FBXL17: variants seen among roughly 807,000 people sequenced by gnomAD.
FBXL17 encodes F-box and leucine rich repeat protein 17, also known as F-box/LRR-repeat protein 17.
In FBXL17, 22 loss-of-function variants were observed where a neutral mutation model predicts 66.2. The observed-to-expected ratio is 0.33, with a 90% CI of 0.24 to 0.47. The LOEUF is 0.47. Ranked by LOEUF, FBXL17 falls within the 20% of genes least tolerant of loss-of-function variation. FBXL17 has a pLI of 1.00. For synonymous variants in FBXL17, 474 were observed against 400.5 expected, an observed-to-expected ratio of 1.18 and a Z score of -2.19; for missense variants, 878 against 948.2, an observed-to-expected ratio of 0.93 and a Z score of 0.97.
chr5:108,027,094 T>C (rs1390100914), intron 6 of FBXL17, among the ~76,000 whole-genome samples: 2 of 152,178 alleles, frequency 1.3e-5, no homozygotes, highest in Non-Finnish European at 2.9e-5. Flanking sequence ...ATATTTTTCA[T>C]ATATTTAGGA....
chr5:108,005,773 C>T (rs895517549), intron 7 of FBXL17, among the ~76,000 whole-genome samples: 2 of 152,190 alleles, frequency 1.3e-5, no homozygotes, highest in African/African-American at 4.8e-5. Flanking sequence ...TATAACTGGA[C>T]TTATAACGTG....
intron 7 of FBXL17, among the ~76,000 whole-genome samples, chr5:107,931,117 G>A (rs758212409): frequency 2.0e-5 from 3 of 152,142 alleles, no homozygotes; most frequent in African/African-American, 7.2e-5. Flanking sequence ...TTTCTGAGAT[G>A]CTGCCAGTTG....
chr5:107,912,433 T>G (rs951264938), intron 7 of FBXL17, among the ~76,000 whole-genome samples: 1 of 152,088 alleles, frequency 6.6e-6, no homozygotes, highest in African/African-American at 2.4e-5. Flanking sequence ...AACATGGGAA[T>G]ATATAAATAA....
In FBXL17 at chr5:108,377,547, G is replaced by A. The variant is rs1002790773; in HGVS notation, c.993+3152C>T. Among the ~76,000 whole-genome samples, 13 of 152,330 alleles carry A rather than the reference G, an allele frequency of 8.5e-5. No individual in the cohort carries two copies. In the East Asian group the frequency reaches 9.6e-4, roughly 11 times the overall value. On this transcript the variant is annotated intron_variant, in intron 1 of 8. Transcript: ENST00000542267. ...AGGAGGTCACAGTAGAAGCCCACGC[G>A]AGAATGCTGTAGACTTGCACTATTC...
chr5:108,133,527 C>A (rs1471542929), intron 6 of FBXL17, among the ~76,000 whole-genome samples: 2 of 152,026 alleles, frequency 1.3e-5, no homozygotes, highest in African/African-American at 4.8e-5. Flanking sequence ...ATTTTGGAGA[C>A]TGAATTTTAA....
rs190957095 is a variant in FBXL17, at chr5:108,010,159, G to A, written c.1822+10766C>T. 2.4e-3 allele frequency among the ~76,000 whole-genome samples: 363 copies of A among 152,270 alleles called. 1 individual carries two copies. Among genetic ancestry groups the A allele is most frequent in the African/African-American group, 8.3e-3 (345 of 41,562 alleles). On this transcript the variant is annotated intron_variant, in intron 7 of 8. Coordinates refer to ENST00000542267, the MANE Select transcript of FBXL17 (RefSeq NM_001163315.3). ...GGATTTCTCACTGCAGGACAAAGAA[G>A]TTTGAAAGCCCATGAATGTAATACC... is the stretch of plus-strand genomic sequence containing the variant.
chr5:108,058,482 T>C (rs1027912000), intron 6 of FBXL17, among the ~76,000 whole-genome samples: 16 of 152,180 alleles, frequency 1.1e-4, no homozygotes, highest in South Asian at 2.1e-4. Context: ...CTTTTCTTTC[T>C]TTCTTTCTTT....
rs143544477 is a variant in FBXL17, at chr5:107,875,781, C to G, written c.1965+5256G>C. ...AATTGGGGCAGGTAAGGAGAAAGGT[C>G]TTGGCAATGTCAGTTTGATGAGAAA... is the stretch of plus-strand genomic sequence containing the variant. On this transcript the variant is annotated intron_variant, in intron 8 of 8. Coordinates refer to ENST00000542267, the MANE Select transcript of FBXL17 (RefSeq NM_001163315.3). Among the ~76,000 whole-genome samples, 3 of 152,308 alleles carry G rather than the reference C, an allele frequency of 2.0e-5. No homozygotes were observed. In the East Asian group the frequency reaches 5.8e-4, roughly 29 times the overall value.
chr5:107,989,904 C>T (rs1753171560), intron 7 of FBXL17, among the ~76,000 whole-genome samples: 1 of 152,048 alleles, frequency 6.6e-6, no homozygotes, highest in Non-Finnish European at 1.5e-5. Context: ...TGGAACTGTT[C>T]CTGGACTTCT....
At chr5:108,282,428 T>C (rs1357310198) in intron 4 of FBXL17, among the ~76,000 whole-genome samples, 1 of 151,880 alleles carries the variant, frequency 6.6e-6, no homozygotes, top group Non-Finnish European at 1.5e-5. Flanking sequence ...TATGATCATC[T>C]CATTAGATGC....
chr5:108,160,612 T>C (rs1184670922), intron 6 of FBXL17, among the ~76,000 whole-genome samples: 3 of 152,280 alleles, frequency 2.0e-5, no homozygotes, highest in African/African-American at 4.8e-5. Flanking sequence ...AAAAATTCCA[T>C]AGGGAAGCCC....
chr5:107,886,994 T>TAAAA (rs1379270978), intron 7 of FBXL17, among the ~76,000 whole-genome samples: 1 of 150,946 alleles, frequency 6.6e-6, no homozygotes, highest in East Asian at 1.9e-4. Context: ...CCATGTGGGG[T>TAAAA]CCTGAGTTAG....
intron 3 of FBXL17, among the ~76,000 whole-genome samples, chr5:108,357,703 T>G (rs141053849): frequency 6.7e-6 from 1 of 150,306 alleles, no homozygotes; most frequent in African/African-American, 2.4e-5. Context: ...CCCAAAAAAC[T>G]TAGAGATTTA....
intron 3 of FBXL17, among the ~76,000 whole-genome samples, chr5:108,350,977 C>T (rs1465480652): frequency 2.0e-5 from 3 of 152,162 alleles, no homozygotes; most frequent in African/African-American, 7.2e-5. Context: ...AATGCCATCA[C>T]ACTTGTATAT....
chr5:108,173,451 GA>G (rs1485062348), intron 6 of FBXL17, among the ~76,000 whole-genome samples: 1 of 152,082 alleles, frequency 6.6e-6, no homozygotes, highest in Non-Finnish European at 1.5e-5. Context: ...TTAATTTTGT[GA>G]TGTAGTTAAT....
At chr5:107,890,497 A>T (rs1019153399) in intron 7 of FBXL17, among the ~76,000 whole-genome samples, 2 of 151,840 alleles carry the variant, frequency 1.3e-5, no homozygotes, top group Non-Finnish European at 1.5e-5. Context: ...CTTCATCTCT[A>T]CAAAAAATAA....
chr5:107,891,841 G>C lies in FBXL17; in HGVS notation c.1823-10662C>G, dbSNP rs143309982. ...TTAATCTTTGCGTCATCATTGACTA[G>C]CTGAGTCTTTCTTATTATTCAATAT... On this transcript the variant is annotated intron_variant, in intron 7 of 8. Coordinates refer to ENST00000542267, the MANE Select transcript of FBXL17 (RefSeq NM_001163315.3). 6.4e-4 allele frequency among the ~76,000 whole-genome samples: 98 copies of C among 152,232 alleles called. 1 individual carries two copies. In the East Asian group the frequency reaches 0.011, roughly 16 times the overall value.
chr5:108,372,488 T>C (rs371891850), intron 1 of FBXL17, among the ~76,000 whole-genome samples: 44 of 152,206 alleles, frequency 2.9e-4, no homozygotes, highest in Admixed American at 1.8e-3. Flanking sequence ...CATAATCAAA[T>C]TGTTGAAAGA....
intron 6 of FBXL17, among the ~76,000 whole-genome samples, chr5:108,145,752 C>A (rs1333225509): frequency 6.6e-6 from 1 of 151,714 alleles, no homozygotes; most frequent in Non-Finnish European, 1.5e-5. Context: ...TCCCAAAGGA[C>A]ATTTTTAAAG....
Sources: allele counts gnomAD v4.1 joint callset (sites outside exome capture counted in the v4.1 genomes callset), GRCh38; gene constraint gnomAD v4.1.1; transcripts MANE v1.5; gene names NCBI Gene and HGNC (gene_info 2026-07-23, HGNC 2026-07-21).